TNS1: variants seen among roughly 807,000 people sequenced by gnomAD.
TNS1 encodes the protein tensin 1.
A neutral mutation model predicts 168.6 loss-of-function variants in TNS1; 62 were observed. The observed-to-expected ratio is 0.37, with a 90% CI of 0.30 to 0.45. The LOEUF (loss-of-function observed/expected upper bound fraction) is 0.45. Ranked by LOEUF, TNS1 falls within the 20% of genes least tolerant of loss-of-function variation. The pLI is 1.00. For synonymous variants in TNS1, 934 were observed against 933.2 expected (o/e 1.00, Z -0.02); for missense variants, 2,240 against 2,339.4 (o/e 0.96, Z 0.88).
chr2:217,868,689 G>C (rs751794349), intron 18 of TNS1, among the ~76,000 whole-genome samples: 4 of 152,186 alleles, frequency 2.6e-5, no homozygotes, highest in Non-Finnish European at 2.9e-5. Context: ...AGAACACTGA[G>C]GCCCAGAAAA....
rs574734131 is a variant in TNS1, at chr2:217,802,979, A to C, written c.*1480T>G. 3 of 152,788 alleles carry C rather than the reference A, an allele frequency of 2.0e-5. No homozygotes were observed. The highest frequency in any genetic ancestry group is 4.8e-5 in the African/African-American group (2 of 41,590). The allele number at this position is 152,788 out of a possible 1,614,324, so 9.5% of individuals were successfully genotyped here. A position where few individuals can be genotyped will look rare whatever the true frequency, so the allele number is the denominator to read the frequency against. On this transcript the variant is annotated 3_prime_UTR_variant, in exon 33 of 33. Transcript: ENST00000682258. Reference sequence around the variant, plus strand: ...TGGTCAGGTGTTTTCCCAACTGTCCAGTGGACCTTAGGCCCTTTGGCCCAA... The same window carrying C: ...TGGTCAGGTGTTTTCCCAACTGTCCCGTGGACCTTAGGCCCTTTGGCCCAA...
chr2:217,868,290 C>T (rs1949464466), intron 18 of TNS1, among the ~76,000 whole-genome samples: 1 of 152,224 alleles, frequency 6.6e-6, no homozygotes, highest in African/African-American at 2.4e-5. Flanking sequence ...GAGGCCATAG[C>T]CTGCAGCCTG....
At chr2:217,949,518 A>T (rs193078294) in intron 3 of TNS1, among the ~76,000 whole-genome samples, 1 of 152,222 alleles carries the variant, frequency 6.6e-6, no homozygotes, top group Non-Finnish European at 1.5e-5. Flanking sequence ...GACTATCTGT[A>T]TCTCAGGAAG....
At chr2:217,974,696 G>T (rs1011331641) in intron 3 of TNS1, among the ~76,000 whole-genome samples, 5 of 152,188 alleles carry the variant, frequency 3.3e-5, no homozygotes, top group Non-Finnish European at 7.3e-5. Flanking sequence ...AAAGGAGAAA[G>T]GTGCCTACTA....
intron 11 of TNS1, among the ~76,000 whole-genome samples, chr2:217,892,030 G>C (rs1049427592): frequency 2.1e-4 from 32 of 152,326 alleles, no homozygotes; most frequent in African/African-American, 7.2e-4. Context: ...TGAGGGCAGT[G>C]GCCTGGCTTT....
At chr2:217,971,942 G>A (rs1957782799) in intron 3 of TNS1, among the ~76,000 whole-genome samples, 2 of 152,112 alleles carry the variant, frequency 1.3e-5, no homozygotes, top group African/African-American at 4.8e-5. Context: ...GAGAAAAGAA[G>A]GAAAAACAAA....
chr2:217,957,928 G>A (rs1346477565), intron 3 of TNS1, among the ~76,000 whole-genome samples: 1 of 151,354 alleles, frequency 6.6e-6, no homozygotes, highest in Middle Eastern at 3.4e-3. Flanking sequence ...TTGAAGCCGG[G>A]GGTAGGTACA....
rs1001504753 is a variant in TNS1, at chr2:217,907,139, T to G, written c.270+71A>C. On this transcript the variant is annotated intron_variant, in intron 5 of 32. Transcript: ENST00000682258. ...TCTGTCCACTCTCCCCCAAATCCAC[T>G]CTCCACTTCCAGCCTTCTCACACCT... 13 of 695,998 alleles carry G rather than the reference T, an allele frequency of 1.9e-5. No homozygotes were observed. The East Asian group carries it at 3.2e-4, about 17-fold the overall frequency. 43.1% of individuals were successfully genotyped at this position (695,998 alleles called of 1,614,324 possible). A position where few individuals can be genotyped will look rare whatever the true frequency, so the allele number is the denominator to read the frequency against.
chr2:217,999,889 T>C (rs536209967), intron 1 of TNS1, among the ~76,000 whole-genome samples: 2 of 152,352 alleles, frequency 1.3e-5, no homozygotes, highest in African/African-American at 2.4e-5. Flanking sequence ...AGTGACCAGC[T>C]TGAGACCACT....
intron 2 of TNS1, among the ~76,000 whole-genome samples, chr2:217,984,138 A>G (rs1958129382): frequency 6.6e-6 from 1 of 152,148 alleles, no homozygotes; most frequent in African/African-American, 2.4e-5. Context: ...TACCCTGCAG[A>G]TTTTGAACCT....
chr2:217,934,138 G>A (rs571148729), intron 3 of TNS1, among the ~76,000 whole-genome samples: 8 of 152,322 alleles, frequency 5.3e-5, no homozygotes, highest in African/African-American at 1.9e-4. Context: ...TGGTTGAGCT[G>A]GGACTCAAAC....
intron 1 of TNS1, among the ~76,000 whole-genome samples, chr2:217,993,048 G>C (rs373705062): frequency 1.8e-4 from 27 of 152,290 alleles, no homozygotes; most frequent in African/African-American, 6.5e-4. Context: ...ACCTGTTACA[G>C]TTCCCAGCCT....
At chr2:217,927,896 A>G (rs1956116719) in intron 3 of TNS1, among the ~76,000 whole-genome samples, 1 of 152,194 alleles carries the variant, frequency 6.6e-6, no homozygotes, top group South Asian at 2.1e-4. Flanking sequence ...AGCGGTCCAG[A>G]AAAAATCCAG....
intron 22 of TNS1, 36 bp downstream of exon 22, chr2:217,831,419 T>C: frequency 6.6e-7 from 1 of 1,518,912 alleles, no homozygotes; most frequent in Non-Finnish European, 8.9e-7. Flanking sequence ...CTCCTCCCCC[T>C]GGCCCCCCTC....
At chr2:217,960,800 G>T (rs1957477101) in intron 3 of TNS1, among the ~76,000 whole-genome samples, 1 of 152,062 alleles carries the variant, frequency 6.6e-6, no homozygotes, top group South Asian at 2.1e-4. Flanking sequence ...ATTCCCTCCA[G>T]CTGCAGTTCG....
chr2:218,002,174 C>G (rs1483683761), intron 1 of TNS1, among the ~76,000 whole-genome samples: 4 of 152,146 alleles, frequency 2.6e-5, no homozygotes, highest in African/African-American at 7.2e-5. Flanking sequence ...TGCTGGCCCC[C>G]CTGGCATCCC....
chr2:217,853,140 C>T (rs914042083), intron 18 of TNS1, among the ~76,000 whole-genome samples: 2 of 152,110 alleles, frequency 1.3e-5, no homozygotes, highest in African/African-American at 4.8e-5. Context: ...GAGCTTTTTA[C>T]CGGGACCACA....
At position 217,804,454 on chromosome 2, in the gene TNS1, A is replaced by C. The variant is rs2125019733; in HGVS notation, c.*5T>G. 1 of 1,614,046 alleles carries C rather than the reference A, an allele frequency of 6.2e-7. No homozygotes were observed. Among genetic ancestry groups the C allele is most frequent in the East Asian group, 2.2e-5 (1 of 44,862 alleles). On this transcript the variant is annotated 3_prime_UTR_variant, in exon 33 of 33. Transcript: ENST00000682258. ...ATGGCACTGGCCCTGGGCAAGGGGC[A>C]GGGTTCATCTCTTTTGGCCGGCATT...
intron 28 of TNS1, among the ~76,000 whole-genome samples, chr2:217,810,878 A>T (rs62183754): frequency 7.5e-6 from 1 of 133,564 alleles, no homozygotes; most frequent in Non-Finnish European, 1.6e-5. Flanking sequence ...CATGGTACAT[A>T]ATTTTTTTTT....
Sources: gnomAD v4.1 joint callset for allele counts (sites outside exome capture counted in the v4.1 genomes callset) on GRCh38, gnomAD v4.1.1 for gene constraint, MANE v1.5 for transcripts, NCBI Gene and HGNC (gene_info 2026-07-23, HGNC 2026-07-21) for gene names.